Variants in CHSY3 observed in about 807,000 individuals in gnomAD.
The protein encoded by CHSY3 is chondroitin sulfate synthase 3.
CHSY3 carries 35 observed loss-of-function variants against 67.2 expected under a neutral mutation model. The ratio of observed to expected loss-of-function variants is 0.52; its 90% CI spans 0.40 to 0.69. The LOEUF is 0.69. CHSY3 is among the 30% of genes least tolerant of loss of function. The pLI, the probability that CHSY3 is intolerant of heterozygous loss-of-function variation, is 0.00. For synonymous variants in CHSY3, 474 were observed against 434.7 expected, an observed-to-expected ratio of 1.09 and a Z score of -1.12; for missense variants, 1,069 against 1,138.5, an observed-to-expected ratio of 0.94 and a Z score of 0.88.
intron 2 of CHSY3, among the ~76,000 whole-genome samples, chr5:130,087,690 A>C (rs1308594598): frequency 6.6e-6 from 1 of 152,104 alleles, no homozygotes; most frequent in Non-Finnish European, 1.5e-5. Context: ...AAGGAGAACT[A>C]CAAACCACTG....
chr5:130,089,234 TG>T (rs978058844), intron 2 of CHSY3, among the ~76,000 whole-genome samples: 5 of 33,924 alleles, frequency 1.5e-4, no homozygotes, highest in South Asian at 1.3e-3. Flanking sequence ...GGGTGGGGGG[TG>T]GGGGGAGGGA....
chr5:129,911,561 T>C (rs1423841546), intron 2 of CHSY3, among the ~76,000 whole-genome samples: 2 of 152,236 alleles, frequency 1.3e-5, no homozygotes, highest in Non-Finnish European at 2.9e-5. Flanking sequence ...ATTGTTCTAA[T>C]GTTATAGATA....
At chr5:130,159,372 C>T (rs1242951437) in intron 2 of CHSY3, among the ~76,000 whole-genome samples, 1 of 151,772 alleles carries the variant, frequency 6.6e-6, no homozygotes, top group Non-Finnish European at 1.5e-5. Context: ...ACCATGTTGC[C>T]CAGGCTGGTC....
In CHSY3 at chr5:130,143,720, A is replaced by ATG. The variant is rs371451856; in HGVS notation, c.1087-40495_1087-40494dup. 8.6e-3 allele frequency among the ~76,000 whole-genome samples: 946 copies of ATG among 110,546 alleles called. 44 individuals carry two copies. Among genetic ancestry groups the ATG allele is most frequent in the African/African-American group, 0.03 (746 of 25,026 alleles). The allele number at this position is 110,546 out of a possible 152,430, so 72.5% of individuals were successfully genotyped here. On this transcript the variant is annotated intron_variant, in intron 2 of 2. Transcript: ENST00000305031. ...TCATACCCATAGGGTATATATATAT[A>ATG]TGTGTGTGTGTGTGTATATATATAT...
intron 2 of CHSY3, among the ~76,000 whole-genome samples, chr5:129,967,274 A>G (rs1561477328): frequency 6.6e-6 from 1 of 151,860 alleles, no homozygotes; most frequent in African/African-American, 2.4e-5. Flanking sequence ...AAGAGTCAAC[A>G]TTTGATACAA....
rs1760170111 is a variant in CHSY3 at position 129,904,773 on chromosome 5, G to A, written c.-57G>A. ...GGAGGAGGGGCGGGTGTGAGCCGGG[G>A]AAACCGCGTGCCGCGCCGCGACAGC... On this transcript the variant is annotated 5_prime_UTR_variant, in exon 1 of 3. Coordinates refer to ENST00000305031, the MANE Select transcript of CHSY3 (RefSeq NM_175856.5). The A allele has an allele frequency of 7.6e-6, 10 of 1,307,954 alleles. No individual in the cohort carries two copies. Among genetic ancestry groups the A allele is most frequent in the South Asian group, 2.2e-5 (1 of 45,024 alleles). The allele number at this position is 1,307,954 out of a possible 1,614,324, so 81.0% of individuals were successfully genotyped here. A position where few individuals can be genotyped will look rare whatever the true frequency, so the allele number is the denominator to read the frequency against.
intron 2 of CHSY3, among the ~76,000 whole-genome samples, chr5:129,941,081 C>T (rs907418957): frequency 6.6e-6 from 1 of 152,060 alleles, no homozygotes; most frequent in Non-Finnish European, 1.5e-5. Flanking sequence ...ATTAGCCGAG[C>T]ATGGTAGCAC....
chr5:130,078,419 T>C (rs1766340173), intron 2 of CHSY3, among the ~76,000 whole-genome samples: 1 of 152,162 alleles, frequency 6.6e-6, no homozygotes, highest in African/African-American at 2.4e-5. Flanking sequence ...TCCCGGTCCC[T>C]GCAAAGCAGC....
chr5:130,049,726 C>T (rs1042521935), intron 2 of CHSY3, among the ~76,000 whole-genome samples: 5 of 151,314 alleles, frequency 3.3e-5, no homozygotes, highest in African/African-American at 1.2e-4. Context: ...TTTTGTTCCA[C>T]AGTCAAGAAT....
At chr5:130,062,398 G>T (rs961199073) in intron 2 of CHSY3, among the ~76,000 whole-genome samples, 1 of 152,112 alleles carries the variant, frequency 6.6e-6, no homozygotes, top group Non-Finnish European at 1.5e-5. Context: ...GACTCCAAAA[G>T]TGGAGAGGCT....
intron 2 of CHSY3, among the ~76,000 whole-genome samples, chr5:130,121,864 G>A (rs1337959727): frequency 6.6e-6 from 1 of 152,076 alleles, no homozygotes; most frequent in Non-Finnish European, 1.5e-5. Flanking sequence ...GGGCATAATA[G>A]AACATGTAAT....
chr5:130,124,093 G>GA (rs1768170292), intron 2 of CHSY3, among the ~76,000 whole-genome samples: 1 of 148,254 alleles, frequency 6.7e-6, no homozygotes, highest in Non-Finnish European at 1.5e-5. Flanking sequence ...AGCAATGGAG[G>GA]AAAAAGCATA....
chr5:130,048,563 C>G (rs556594174), intron 2 of CHSY3, among the ~76,000 whole-genome samples: 1 of 152,110 alleles, frequency 6.6e-6, no homozygotes, highest in South Asian at 2.1e-4. Context: ...AGCCCTGTCT[C>G]TGCAGATTTT....
rs116757067 is a variant in CHSY3, at chr5:130,145,288, G to A, written c.1087-38941G>A. ...GAACATAATAAAGAGGCCAAACATA[G>A]TTCACACAGCTATGTCTAACTGATT... On this transcript the variant is annotated intron_variant, in intron 2 of 2. Coordinates refer to ENST00000305031, the MANE Select transcript of CHSY3 (RefSeq NM_175856.5). 5.8e-3 allele frequency among the ~76,000 whole-genome samples: 889 copies of A among 152,036 alleles called. 17 individuals carry two copies. Among genetic ancestry groups the A allele is most frequent in the African/African-American group, 0.019 (805 of 41,372 alleles).
chr5:130,072,507 C>T lies in CHSY3; in HGVS notation c.1087-111722C>T, dbSNP rs1328469508. 3.3e-5 allele frequency among the ~76,000 whole-genome samples: 5 copies of T among 152,098 alleles called. No individual in the cohort carries two copies. The East Asian group carries it at 7.7e-4, about 24-fold the overall frequency. ...TGTTTCTGGGCTTTCTATCCTCTTC[C>T]GTTGGTCAGTGTGTCTGTTTTTATG... On this transcript the variant is annotated intron_variant, in intron 2 of 2. Coordinates refer to ENST00000305031, the MANE Select transcript of CHSY3 (RefSeq NM_175856.5).
intron 2 of CHSY3, among the ~76,000 whole-genome samples, chr5:129,914,455 C>T (rs751949722): frequency 1.5e-4 from 23 of 152,186 alleles, no homozygotes; most frequent in Non-Finnish European, 2.4e-4. Context: ...CAATCATGAA[C>T]ATGTTTATGC....
rs551488156 is a variant in CHSY3 at position 130,080,026 on chromosome 5, A to G, written c.1087-104203A>G. ...AAAATGTTTTCAGCCCTTCAGAAAT[A>G]CACCTGAACATACACACACACACAC... is the stretch of plus-strand genomic sequence containing the variant. On this transcript the variant is annotated intron_variant, in intron 2 of 2. Transcript: ENST00000305031. Among the ~76,000 whole-genome samples the G allele has an allele frequency of 4.9e-5, 7 of 143,418 alleles. No homozygotes were observed. In the South Asian group the frequency reaches 1.6e-3, roughly 34 times the overall value. The allele number at this position is 143,418 out of a possible 152,430, so 94.1% of individuals were successfully genotyped here. A position where few individuals can be genotyped will look rare whatever the true frequency, so the allele number is the denominator to read the frequency against.
At chr5:129,984,458 T>C (rs1406052441) in intron 2 of CHSY3, among the ~76,000 whole-genome samples, 1 of 152,122 alleles carries the variant, frequency 6.6e-6, no homozygotes, top group East Asian at 1.9e-4. Context: ...ATTCCACATC[T>C]TTGCAACAGT....
At chr5:130,025,661 T>C (rs560272400) in intron 2 of CHSY3, among the ~76,000 whole-genome samples, 4 of 152,072 alleles carry the variant, frequency 2.6e-5, no homozygotes, top group African/African-American at 9.6e-5. Flanking sequence ...GAAGGCCTGG[T>C]TTTTGAGTCA....
Sources: gnomAD v4.1 joint callset for allele counts (sites outside exome capture counted in the v4.1 genomes callset) on GRCh38, gnomAD v4.1.1 for gene constraint, MANE v1.5 for transcripts, NCBI Gene and HGNC (gene_info 2026-07-23, HGNC 2026-07-21) for gene names.